Variants in ZDHHC18 observed in about 807,000 individuals in gnomAD.
ZDHHC18 encodes palmitoyltransferase ZDHHC18.
Under a neutral mutation model 37.5 loss-of-function variants are expected in ZDHHC18, and 23 were observed. The observed-to-expected ratio is 0.61, with a 90% CI of 0.44 to 0.87. The LOEUF is 0.87. ZDHHC18 is among the 40% of genes least tolerant of loss of function. The pLI is 0.00. For missense variants in ZDHHC18, 406 were observed against 525.6 expected (o/e 0.77, Z 2.22); for synonymous variants, 185 against 218.7 (o/e 0.85, Z 1.36).
chr1:26,853,949 G>A lies in ZDHHC18; in HGVS notation c.*106G>A, dbSNP rs564743443. 1.7e-4 allele frequency: 165 copies of A among 999,952 alleles called. No individual in the cohort carries two copies. In the African/African-American group the frequency reaches 2.1e-3, roughly 12 times the overall value. 61.9% of individuals were successfully genotyped at this position (999,952 alleles called of 1,614,324 possible). A position where few individuals can be genotyped will look rare whatever the true frequency, so the allele number is the denominator to read the frequency against. ...GGAAGCAGAACTGCCAAAGACTCAA[G>A]TCTTTTCATATTTATTTCCCATCCT... On this transcript the variant is annotated 3_prime_UTR_variant, in exon 8 of 8. Coordinates refer to ENST00000374142, the MANE Select transcript of ZDHHC18 (RefSeq NM_032283.3).
chr1:26,826,893 C>T lies in ZDHHC18; in HGVS notation c.89C>T (p.Ser30Phe). ...PGARRPGPAA[S>F]PTPGPGPAPP... is the part of the protein sequence containing the mutation. ...GCGCGCCGTCCCGGCCCCGCCGCGT[C>T]CCCGACTCCGGGCCCCGGGCCCGCG... The change falls in exon 1 of 8, where the codon TCC becomes TTC. Residue 30 changes from serine (S) to phenylalanine (F), a missense_variant. By Grantham distance (155) the Ser-to-Phe change is radical. Coordinates refer to ENST00000374142, the MANE Select transcript of ZDHHC18 (RefSeq NM_032283.3). This position sits in a 1 kb window ranked among gnomAD's most constrained non-coding sequence, Gnocchi z 5.2. 1 of 982,420 alleles carries T rather than the reference C, an allele frequency of 1.0e-6. No homozygotes were observed. Among genetic ancestry groups the T allele is most frequent in the Non-Finnish European group, 1.2e-6 (1 of 829,576 alleles). The allele number at this position is 982,420 out of a possible 1,614,324, so 60.9% of individuals were successfully genotyped here. A position where few individuals can be genotyped will look rare whatever the true frequency, so the allele number is the denominator to read the frequency against.
chr1:26,827,011 G>A lies in ZDHHC18; in HGVS notation c.207G>A (p.Lys69=). 5 of 1,269,454 alleles carry A rather than the reference G, an allele frequency of 3.9e-6. No homozygotes were observed. Among genetic ancestry groups the A allele is most frequent in the Non-Finnish European group, 4.0e-6 (4 of 1,008,188 alleles). 78.6% of individuals were successfully genotyped at this position (1,269,454 alleles called of 1,614,324 possible). ...GCCTCGGCCGCCGCCCACGGCGCAA[G>A]TGGGAGGTGTTCCCGGGTCGCAATC... is the stretch of plus-strand genomic sequence containing the variant. ...SGSLGRRPRR[K]WEVFPGRNRF... is the part of the protein sequence containing the mutation. The change falls in exon 1 of 8, where the codon AAG becomes AAA. Residue 69 remains lysine (K), a synonymous_variant. Transcript: ENST00000374142.
chr1:26,834,480 C>T (rs1214448656), intron 2 of ZDHHC18, among the ~76,000 whole-genome samples: 2 of 152,232 alleles, frequency 1.3e-5, no homozygotes, highest in East Asian at 1.9e-4. Flanking sequence ...TCATCCTCTT[C>T]TCCACTTGTT....
At chr1:26,846,652 A>G (rs1398553958) in intron 2 of ZDHHC18, among the ~76,000 whole-genome samples, 1 of 151,836 alleles carries the variant, frequency 6.6e-6, no homozygotes, top group Non-Finnish European at 1.5e-5. Context: ...TTTCAAACAC[A>G]CAGAAAAAGC....
At chr1:26,853,022 T>C in intron 7 of ZDHHC18, 157 bp downstream of exon 7, 3 of 622,814 alleles carry the variant, frequency 4.8e-6, no homozygotes, top group Non-Finnish European at 8.3e-6. Flanking sequence ...CCATGGAGAA[T>C]TGTTATTTAA....
At chr1:26,836,152 G>A (rs572454580) in intron 2 of ZDHHC18, among the ~76,000 whole-genome samples, 1 of 152,274 alleles carries the variant, frequency 6.6e-6, no homozygotes, top group South Asian at 2.1e-4. Flanking sequence ...TGGTCTGATG[G>A]GAGGTGATAG....
chr1:26,840,855 CT>C (rs2081635308), intron 2 of ZDHHC18, among the ~76,000 whole-genome samples: 1 of 151,900 alleles, frequency 6.6e-6, no homozygotes, highest in South Asian at 2.1e-4. Context: ...TAAACTTTCC[CT>C]TCAACTTTCC....
In ZDHHC18 at chr1:26,827,149, G is replaced by A. The variant is rs943443810; in HGVS notation, c.335+10G>A. 5.8e-6 allele frequency: 8 copies of A among 1,385,564 alleles called. No individual in the cohort carries two copies. The highest frequency in any genetic ancestry group is 3.2e-5 in the South Asian group (2 of 62,444). 85.8% of individuals were successfully genotyped at this position (1,385,564 alleles called of 1,614,324 possible). ...TCTTCTTCGTCTTTGAGTGAGTTCC[G>A]CTGCCTCGGCGCCCCCTCCCAGCCC... On this transcript the variant is annotated intron_variant, in intron 1 of 7. Coordinates refer to ENST00000374142, the MANE Select transcript of ZDHHC18 (RefSeq NM_032283.3).
chr1:26,838,570 T>C (rs960672054), intron 2 of ZDHHC18, among the ~76,000 whole-genome samples: 2 of 152,238 alleles, frequency 1.3e-5, no homozygotes, highest in African/African-American at 2.4e-5. Context: ...CTTGATATTA[T>C]GTTATTTCTG....
chr1:26,853,681 CA>C (rs1557646785), intron 7 of ZDHHC18, 44 bp from the exon 8 acceptor site: 1 of 1,570,676 alleles, frequency 6.4e-7, no homozygotes. Context: ...CCTAGAGCCT[CA>C]GTGTTGGGCA....
At chr1:26,843,268 G>T (rs1255198538) in intron 2 of ZDHHC18, among the ~76,000 whole-genome samples, 1 of 149,886 alleles carries the variant, frequency 6.7e-6, no homozygotes, top group African/African-American at 2.5e-5. Context: ...TCAGCCTCCC[G>T]AGTAGCTGGA....
intron 7 of ZDHHC18, 114 bp downstream of exon 7, chr1:26,852,979 C>T (rs1557646560): frequency 1.6e-5 from 13 of 814,034 alleles, no homozygotes; most frequent in Non-Finnish European, 1.7e-5. Flanking sequence ...CCGTCCACTA[C>T]CCCCTGGAGG....
chr1:26,839,375 C>T (rs1373025426), intron 2 of ZDHHC18, among the ~76,000 whole-genome samples: 1 of 152,182 alleles, frequency 6.6e-6, no homozygotes, highest in Non-Finnish European at 1.5e-5. Context: ...TTTTCTACAA[C>T]AAATATTTTT....
intron 2 of ZDHHC18, among the ~76,000 whole-genome samples, chr1:26,834,561 TCTC>T (rs904502378): frequency 3.3e-5 from 5 of 152,146 alleles, no homozygotes; most frequent in Non-Finnish European, 5.9e-5. Flanking sequence ...CAGAGCACCT[TCTC>T]CTTCCTTCTC....
Position 26,850,460 on chromosome 1 carries a change from T to C in ZDHHC18, c.784+22T>C. The C allele has an allele frequency of 6.2e-7, 1 of 1,614,204 alleles. No homozygotes were observed. The highest frequency in any genetic ancestry group is 8.5e-7 in the Non-Finnish European group (1 of 1,180,024). On this transcript the variant is annotated intron_variant, in intron 4 of 7. Transcript: ENST00000374142. This position sits in a 1 kb window ranked among gnomAD's most constrained non-coding sequence, Gnocchi z 6.1. ...TTGCGTGAGTTGTGGGTGAGGGCAG[T>C]GGGGAGTGGAAGGGGTCAGCCAGCA...
chr1:26,842,738 A>G (rs978059974), intron 2 of ZDHHC18, among the ~76,000 whole-genome samples: 1 of 152,264 alleles, frequency 6.6e-6, no homozygotes, highest in Admixed American at 6.5e-5. Flanking sequence ...ACAACCTAAC[A>G]AAGTAAACCT....
intron 1 of ZDHHC18, among the ~76,000 whole-genome samples, chr1:26,827,689 C>T (rs1215001163): frequency 1.3e-5 from 2 of 152,126 alleles, no homozygotes; most frequent in African/African-American, 4.8e-5. Flanking sequence ...TCCAGGGTCC[C>T]CTCCTTTTCT....
intron 2 of ZDHHC18, among the ~76,000 whole-genome samples, chr1:26,846,485 C>T (rs1206127105): frequency 6.7e-6 from 1 of 149,800 alleles, no homozygotes; most frequent in African/African-American, 2.5e-5. Flanking sequence ...CGCCACCATG[C>T]CCGGCTGATT....
chr1:26,836,810 C>T (rs1433350254), intron 2 of ZDHHC18, among the ~76,000 whole-genome samples: 16 of 149,716 alleles, frequency 1.1e-4, no homozygotes, highest in Admixed American at 9.3e-4. Context: ...CCTTGTGATC[C>T]GCCCGTCTCA....
Sources: allele counts gnomAD v4.1 joint callset (sites outside exome capture counted in the v4.1 genomes callset), GRCh38; gene constraint gnomAD v4.1.1; non-coding constraint Gnocchi (gnomAD v3.1); transcripts MANE v1.5; gene names NCBI Gene and HGNC (gene_info 2026-07-23, HGNC 2026-07-21).